The following NOL4L variants were observed in gnomAD, a reference collection of about 807,000 sequenced individuals.
NOL4L encodes nucleolar protein 4-like.
Under a neutral mutation model 64.5 loss-of-function variants are expected in NOL4L, and 7 were observed. The observed-to-expected ratio is 0.11, with a 90% CI of 0.06 to 0.20. The LOEUF (loss-of-function observed/expected upper bound fraction) is 0.20. NOL4L is among the 10% of genes least tolerant of loss of function. The probability of loss-of-function intolerance (pLI) is 1.00; values close to 1 mark genes in which losing one functional copy is unlikely to be tolerated. For missense variants in NOL4L, 680 were observed against 967.1 expected (o/e 0.70, Z 3.94); for synonymous variants, 413 against 401.0 (o/e 1.03, Z -0.36).
At chr20:32,483,734 C>A (rs2015907698) in intron 4 of NOL4L, among the ~76,000 whole-genome samples, 1 of 55,492 alleles carries the variant, frequency 1.8e-5, no homozygotes, top group African/African-American at 6.9e-5. Flanking sequence ...GGCGGAGGGG[C>A]GGGTGAGAGG....
rs74722638 is a variant in NOL4L, at chr20:32,510,305, G to A, written c.699+1042C>T. On this transcript the variant is annotated intron_variant, in intron 4 of 10. Transcript: ENST00000621426. ...CAGTGTGGGGACAGGAGGGCTGGCC[G>A]CCCTGCCTCTTGAAAGGAATACGCA... 5.9e-3 allele frequency: 1,592 copies of A among 268,084 alleles called. 7 individuals are homozygous for A. The highest frequency in any genetic ancestry group is 8.5e-3 in the Non-Finnish European group (1,134 of 133,110). The allele number at this position is 268,084 out of a possible 1,614,324, so 16.6% of individuals were successfully genotyped here. A position where few individuals can be genotyped will look rare whatever the true frequency, so the allele number is the denominator to read the frequency against.
chr20:32,489,666 C>T (rs890316532), intron 4 of NOL4L, among the ~76,000 whole-genome samples: 7 of 151,540 alleles, frequency 4.6e-5, no homozygotes, highest in Admixed American at 1.3e-4. Context: ...TTTTCTGGGC[C>T]GGGCGCAGTG....
In NOL4L at chr20:32,447,402, C is replaced by CAAAAA. The variant is rs1569355451; in HGVS notation, c.*193_*194insTTTTT. 5.2e-5 allele frequency: 11 copies of CAAAAA among 211,834 alleles called. No homozygotes were observed. Among genetic ancestry groups the CAAAAA allele is most frequent in the South Asian group, 2.4e-4 (2 of 8,496 alleles). The allele number at this position is 211,834 out of a possible 1,614,324, so 13.1% of individuals were successfully genotyped here. Reference sequence around the variant, plus strand: ...GTCAGAGCACCCGTGTGGTGAGATTCCAAAAAAAAAAAAAAAAAAAAAAAA... The same window carrying CAAAAA: ...GTCAGAGCACCCGTGTGGTGAGATTCAAAAACAAAAAAAAAAAAAAAAAAAAAAAA... On this transcript the variant is annotated 3_prime_UTR_variant, in exon 11 of 11. Coordinates refer to ENST00000621426, the MANE Select transcript of NOL4L (RefSeq NM_001256798.2).
At position 32,455,598 on chromosome 20, in the gene NOL4L, G is replaced by GA. The variant is rs2013413931; in HGVS notation, c.1119+519_1119+520insT. ...GTGGGGGAGGCCCCAGGAAGCAGGGGGGATGCCCACTGGTAGGGGTACGTA... is the reference window on the plus strand; with the variant it reads ...GTGGGGGAGGCCCCAGGAAGCAGGGGAGGATGCCCACTGGTAGGGGTACGTA... On this transcript the variant is annotated intron_variant, in intron 6 of 10. Coordinates refer to ENST00000621426, the MANE Select transcript of NOL4L (RefSeq NM_001256798.2). Among the ~76,000 whole-genome samples the GA allele has an allele frequency of 2.6e-5, 4 of 152,300 alleles. No homozygotes were observed. In the South Asian group the frequency reaches 8.3e-4, roughly 32 times the overall value.
In NOL4L at chr20:32,444,606, C is replaced by T. The variant is rs2012252910; in HGVS notation, c.*2990G>A. ...AAATGAATTTCAGATGGGTTACACA[C>T]ACTATCACTTGTCTACCTGATGATC... is the stretch of plus-strand genomic sequence containing the variant. On this transcript the variant is annotated 3_prime_UTR_variant, in exon 11 of 11. Coordinates refer to ENST00000621426, the MANE Select transcript of NOL4L (RefSeq NM_001256798.2). 1 of 152,234 alleles carries T rather than the reference C, an allele frequency of 6.6e-6. No individual in the cohort carries two copies. Among genetic ancestry groups the T allele is most frequent in the African/African-American group, 2.4e-5 (1 of 41,456 alleles). 9.4% of individuals were successfully genotyped at this position (152,234 alleles called of 1,614,324 possible). A position where few individuals can be genotyped will look rare whatever the true frequency, so the allele number is the denominator to read the frequency against.
intron 5 of NOL4L, among the ~76,000 whole-genome samples, chr20:32,457,566 C>A (rs1237755710): frequency 6.6e-6 from 1 of 152,098 alleles, no homozygotes; most frequent in Non-Finnish European, 1.5e-5. Flanking sequence ...GCGGCTCTAG[C>A]GCCCCAACCA....
chr20:32,540,756 G>A (rs880112), intron 1 of NOL4L, among the ~76,000 whole-genome samples: 20,331 of 151,956 alleles, frequency 0.13, 1,944 homozygotes, highest in African/African-American at 0.27. Flanking sequence ...CCCTCGGTCC[G>A]TGTTTGGCCC....
At chr20:32,474,450 C>G (rs2015245781) in intron 5 of NOL4L, 151 bp downstream of exon 5, 13 of 866,176 alleles carry the variant, frequency 1.5e-5, no homozygotes, top group Non-Finnish European at 2.0e-5. Context: ...GCTGAGAACA[C>G]TGGGGGCAGT....
At chr20:32,475,915 C>T (rs994392765) in intron 4 of NOL4L, among the ~76,000 whole-genome samples, 1 of 152,198 alleles carries the variant, frequency 6.6e-6, no homozygotes, top group African/African-American at 2.4e-5. Context: ...CCTCCCCCAC[C>T]GGCTGGGCTG....
chr20:32,510,160 G>A (rs1181298339), intron 4 of NOL4L: 5 of 368,768 alleles, frequency 1.4e-5, no homozygotes, highest in Non-Finnish European at 2.1e-5. Flanking sequence ...GAAGTTTTTG[G>A]AGATGCAACC....
chr20:32,490,526 G>C (rs1054340690), intron 4 of NOL4L, among the ~76,000 whole-genome samples: 3 of 152,124 alleles, frequency 2.0e-5, no homozygotes, highest in African/African-American at 7.2e-5. Context: ...GGGCCATAGC[G>C]CTGACTATCC....
At chr20:32,528,053 G>T in intron 1 of NOL4L, 140 bp from the exon 2 acceptor site, 1 of 561,478 alleles carries the variant, frequency 1.8e-6, no homozygotes, top group African/African-American at 1.9e-5. Flanking sequence ...GGAGCCTACC[G>T]AGGGGGCTCC....
At chr20:32,484,315 G>A (rs2015947029) in intron 4 of NOL4L, among the ~76,000 whole-genome samples, 1 of 140,846 alleles carries the variant, frequency 7.1e-6, no homozygotes, top group Non-Finnish European at 1.6e-5. Flanking sequence ...CCGTACCCCC[G>A]CCCCACCCCC....
intron 2 of NOL4L, among the ~76,000 whole-genome samples, chr20:32,527,108 T>C (rs1315155605): frequency 6.6e-6 from 1 of 152,180 alleles, no homozygotes; most frequent in Non-Finnish European, 1.5e-5. Context: ...CCCGGGCTCA[T>C]CTGTGTCTGG....
At chr20:32,565,944 C>T (rs947704378) in intron 1 of NOL4L, among the ~76,000 whole-genome samples, 5 of 151,966 alleles carry the variant, frequency 3.3e-5, no homozygotes, top group South Asian at 2.1e-4. Context: ...GCCAGCCACT[C>T]GGGAGGCTGA....
At chr20:32,583,980 G>A (rs1210498710) in intron 1 of NOL4L, among the ~76,000 whole-genome samples, 1 of 146,638 alleles carries the variant, frequency 6.8e-6, no homozygotes, top group African/African-American at 2.5e-5. Flanking sequence ...GGCTCCGGCC[G>A]CCCCTCCCCG....
chr20:32,475,755 C>T (rs2015352940), intron 4 of NOL4L, among the ~76,000 whole-genome samples: 1 of 152,144 alleles, frequency 6.6e-6, no homozygotes, highest in African/African-American at 2.4e-5. Flanking sequence ...GACAGAGCAC[C>T]CCCCAAGCCT....
At chr20:32,581,885 GGTGT>G (rs372938511) in intron 1 of NOL4L, 5 of 150,176 alleles carry the variant, frequency 3.3e-5, no homozygotes, top group Middle Eastern at 3.4e-3. Context: ...GGGGTGAGGG[GGTGT>G]GTGTGTGTGT....
intron 1 of NOL4L, among the ~76,000 whole-genome samples, chr20:32,546,367 G>T (rs1044032155): frequency 1.3e-5 from 2 of 152,128 alleles, no homozygotes; most frequent in African/African-American, 4.8e-5. Context: ...TCCTTTCTCA[G>T]CCTCCTTTTA....
Sources: gnomAD v4.1 joint callset for allele counts (sites outside exome capture counted in the v4.1 genomes callset) on GRCh38, gnomAD v4.1.1 for gene constraint, MANE v1.5 for transcripts, NCBI Gene and HGNC (gene_info 2026-07-23, HGNC 2026-07-21) for gene names.